Variants in MPPED2 observed in about 807,000 individuals in gnomAD.
MPPED2 encodes the protein metallophosphoesterase domain containing 2, also known as metallophosphoesterase MPPED2.
MPPED2 carries 5 observed loss-of-function variants against 33.0 expected under a neutral mutation model. The ratio of observed to expected loss-of-function variants is 0.15; its 90% CI spans 0.08 to 0.32. The LOEUF is 0.32. Ranked by LOEUF, MPPED2 falls within the 10% of genes least tolerant of loss-of-function variation. The pLI, the probability that MPPED2 is intolerant of heterozygous loss-of-function variation, is 1.00. For missense variants in MPPED2, 275 were observed against 372.1 expected (o/e 0.74, Z 2.15); for synonymous variants, 136 against 141.9 (o/e 0.96, Z 0.29).
intron 4 of MPPED2, among the ~76,000 whole-genome samples, chr11:30,442,250 T>G (rs1949610310): frequency 6.6e-6 from 1 of 152,136 alleles, no homozygotes; most frequent in Non-Finnish European, 1.5e-5. Flanking sequence ...AGGGAGTCTT[T>G]TAGAGAACAG....
At chr11:30,543,152 A>C (rs145909581) in intron 2 of MPPED2, among the ~76,000 whole-genome samples, 1 of 152,302 alleles carries the variant, frequency 6.6e-6, no homozygotes, top group African/African-American at 2.4e-5. Context: ...GGGAGTGAAC[A>C]ATACAGAAGT....
rs571941962 is a variant in MPPED2, at chr11:30,564,258, A to G, written c.128+15988T>C. The stretch of plus-strand genomic sequence containing the variant: ...GCTTTCATGTATATCTATCCATTCA[A>G]GCAAACATAGGCTTATAAATTCAGG... On this transcript the variant is annotated intron_variant, in intron 2 of 6. Coordinates refer to ENST00000358117, the MANE Select transcript of MPPED2 (RefSeq NM_001584.3). Among the ~76,000 whole-genome samples the G allele has an allele frequency of 3.3e-5, 5 of 152,256 alleles. No homozygotes were observed. The South Asian group carries it at 8.3e-4, about 25-fold the overall frequency.
chr11:30,480,634 T>G (rs1280364340), intron 4 of MPPED2, among the ~76,000 whole-genome samples: 2 of 152,112 alleles, frequency 1.3e-5, no homozygotes, highest in Non-Finnish European at 2.9e-5. Context: ...TTGCATATAC[T>G]TCAACAGATT....
At chr11:30,452,311 C>A (rs1346566097) in intron 4 of MPPED2, among the ~76,000 whole-genome samples, 2 of 152,148 alleles carry the variant, frequency 1.3e-5, no homozygotes, top group Non-Finnish European at 2.9e-5. Context: ...TGCCAAGGGT[C>A]CACAGTTGAG....
chr11:30,577,139 T>C (rs914060834), intron 2 of MPPED2, among the ~76,000 whole-genome samples: 2 of 152,214 alleles, frequency 1.3e-5, no homozygotes, highest in Non-Finnish European at 2.9e-5. Flanking sequence ...AAGTCAGAGC[T>C]AAAAAGATCC....
In MPPED2 at chr11:30,512,293, T is replaced by G. The variant is rs552063765; in HGVS notation, c.311-16772A>C. ...TGTTCATGTGACCTCAGACATTCAG[T>G]GGCCTTGATGGGATTTTTCCCTCGG... On this transcript the variant is annotated intron_variant, in intron 3 of 6. Coordinates refer to ENST00000358117, the MANE Select transcript of MPPED2 (RefSeq NM_001584.3). Among the ~76,000 whole-genome samples the G allele has an allele frequency of 1.3e-3, 197 of 152,112 alleles. 2 individuals carry two copies. The highest frequency in any genetic ancestry group is 0.011 in the South Asian group (52 of 4,812).
intron 4 of MPPED2, among the ~76,000 whole-genome samples, chr11:30,489,364 G>T (rs1413263642): frequency 6.6e-6 from 1 of 152,226 alleles, no homozygotes; most frequent in Non-Finnish European, 1.5e-5. Flanking sequence ...GTAGCTATTT[G>T]TGTGCAAACA....
intron 3 of MPPED2, 29 bp downstream of exon 3, chr11:30,535,965 G>A: frequency 1.9e-6 from 3 of 1,554,966 alleles, no homozygotes; most frequent in South Asian, 1.2e-5. Flanking sequence ...AAGGTTAATT[G>A]GGGCCGCCAG....
intron 3 of MPPED2, among the ~76,000 whole-genome samples, chr11:30,503,157 G>C (rs1336515): frequency 1.5e-3 from 225 of 151,958 alleles, no homozygotes; most frequent in African/African-American, 5.1e-3. Context: ...AAGTTCTCAC[G>C]AGATTTGATG....
chr11:30,563,525 T>G (rs1208399217), intron 2 of MPPED2, among the ~76,000 whole-genome samples: 2 of 152,088 alleles, frequency 1.3e-5, no homozygotes, highest in Non-Finnish European at 2.9e-5. Flanking sequence ...AAACCATTCT[T>G]AAGGTATTGA....
intron 4 of MPPED2, among the ~76,000 whole-genome samples, chr11:30,422,620 G>T (rs1433734262): frequency 6.6e-6 from 1 of 152,166 alleles, no homozygotes; most frequent in Non-Finnish European, 1.5e-5. Flanking sequence ...CCCACAATGG[G>T]TTTTGTTGTG....
chr11:30,459,907 G>C (rs1950449752), intron 4 of MPPED2, among the ~76,000 whole-genome samples: 2 of 152,190 alleles, frequency 1.3e-5, no homozygotes. Flanking sequence ...AAAAATGAAA[G>C]GAAATGGCTT....
At chr11:30,502,212 CCAGTAGTTTT>C (rs1952602774) in intron 3 of MPPED2, among the ~76,000 whole-genome samples, 1 of 148,272 alleles carries the variant, frequency 6.7e-6, no homozygotes. Flanking sequence ...GGCTCCCAGA[CCAGTAGTTTT>C]CAGATGACCC....
At chr11:30,560,239 T>C (rs1225386620) in intron 2 of MPPED2, among the ~76,000 whole-genome samples, 1 of 152,084 alleles carries the variant, frequency 6.6e-6, no homozygotes, top group Admixed American at 6.6e-5. Context: ...GTCTTAAGGA[T>C]ACCTCTTAAA....
chr11:30,564,538 AC>A (rs766603006), intron 2 of MPPED2, among the ~76,000 whole-genome samples: 2 of 152,158 alleles, frequency 1.3e-5, no homozygotes, highest in Non-Finnish European at 2.9e-5. Flanking sequence ...AAGTCAAGTA[AC>A]TCACTCAAAG....
At chr11:30,448,683 T>C (rs1394295451) in intron 4 of MPPED2, among the ~76,000 whole-genome samples, 1 of 136,992 alleles carries the variant, frequency 7.3e-6, no homozygotes, top group Non-Finnish European at 1.6e-5. Flanking sequence ...CTCCCCACTA[T>C]TTTTTTTTTT....
chr11:30,414,509 G>GTC (rs1047096350), intron 5 of MPPED2, among the ~76,000 whole-genome samples, 168 bp from the exon 6 acceptor site: 1 of 151,524 alleles, frequency 6.6e-6, no homozygotes, highest in Admixed American at 6.6e-5. Context: ...TCGTCACTTT[G>GTC]TCTTCTTTAG....
intron 1 of MPPED2, among the ~76,000 whole-genome samples, chr11:30,585,505 G>A (rs1256907632): frequency 2.6e-5 from 4 of 152,074 alleles, no homozygotes; most frequent in Admixed American, 1.3e-4. Context: ...CCAACACAAT[G>A]CACCCAGGCC....
rs1165496569 is a variant in MPPED2 at position 30,494,763 on chromosome 11, AAG to A, written c.536+531_536+532del. 2.5e-3 allele frequency among the ~76,000 whole-genome samples: 357 copies of A among 145,614 alleles called. 2 individuals carry two copies. Among genetic ancestry groups the A allele is most frequent in the African/African-American group, 8.8e-3 (339 of 38,354 alleles). On this transcript the variant is annotated intron_variant, in intron 4 of 6. Coordinates refer to ENST00000358117, the MANE Select transcript of MPPED2 (RefSeq NM_001584.3). The stretch of plus-strand genomic sequence containing the variant: ...AAAAAAAAAAAAAAAAAAAAAAAGA[AAG>A]AAAGAAAGAAAGAAAAGAGAAGAAA...
Sources: gnomAD v4.1 joint callset for allele counts (sites outside exome capture counted in the v4.1 genomes callset) on GRCh38, gnomAD v4.1.1 for gene constraint, MANE v1.5 for transcripts, NCBI Gene and HGNC (gene_info 2026-07-23, HGNC 2026-07-21) for gene names.